The following BRINP3 variants were observed in gnomAD, a reference collection of about 807,000 sequenced individuals.
BRINP3 encodes the protein BMP/retinoic acid-inducible neural-specific protein 3.
Under a neutral mutation model 71.0 loss-of-function variants are expected in BRINP3, and 19 were observed. The ratio of observed to expected loss-of-function variants is 0.27; its 90% confidence interval spans 0.19 to 0.39. BRINP3 has a LOEUF of 0.39. Ranked by LOEUF, BRINP3 falls within the 10% of genes least tolerant of loss-of-function variation. The pLI is 1.00. For missense variants in BRINP3, 959 were observed against 940.8 expected (o/e 1.02, Z -0.25); for synonymous variants, 380 against 337.7 (o/e 1.13, Z -1.37).
At chr1:190,282,572 A>G (rs1183028145) in intron 2 of BRINP3, among the ~76,000 whole-genome samples, 1 of 152,024 alleles carries the variant, frequency 6.6e-6, no homozygotes, top group Admixed American at 6.6e-5. Context: ...GTGTTAATTC[A>G]TATTTATAAA....
intron 6 of BRINP3, among the ~76,000 whole-genome samples, chr1:190,166,311 G>C (rs536804457): frequency 6.6e-6 from 1 of 152,068 alleles, no homozygotes. Context: ...AAGGTATGCT[G>C]TTTCTCACTA....
chr1:190,407,847 T>C (rs1558259335), intron 2 of BRINP3, among the ~76,000 whole-genome samples: 1 of 152,124 alleles, frequency 6.6e-6, no homozygotes, highest in Non-Finnish European at 1.5e-5. Context: ...CCCTGTATTA[T>C]ATACAAATTT....
At position 190,456,820 on chromosome 1, in the gene BRINP3, CA is replaced by C. The variant is rs200745317; in HGVS notation, c.-50-1881del. On this transcript the variant is annotated intron_variant, in intron 1 of 7. Transcript: ENST00000367462. Reference sequence around the variant, plus strand: ...TGAGTAATTTTTCATTTCATAAAGACAGAATAAATTATTCAAACCACTACTC... The same window carrying C: ...TGAGTAATTTTTCATTTCATAAAGACGAATAAATTATTCAAACCACTACTC... 2.1e-4 allele frequency among the ~76,000 whole-genome samples: 32 copies of C among 151,904 alleles called. No homozygotes were observed. The East Asian group carries it at 6.0e-3, about 28-fold the overall frequency.
At chr1:190,149,709 T>C (rs981312719) in intron 7 of BRINP3, among the ~76,000 whole-genome samples, 2 of 151,754 alleles carry the variant, frequency 1.3e-5, no homozygotes, top group African/African-American at 2.4e-5. Flanking sequence ...CTAATGTACA[T>C]TGTTTTATAT....
At chr1:190,109,744 C>A (rs1238967406) in intron 7 of BRINP3, among the ~76,000 whole-genome samples, 2 of 152,232 alleles carry the variant, frequency 1.3e-5, no homozygotes, top group Non-Finnish European at 2.9e-5. Context: ...TTGGCAAGCT[C>A]TTTTTTTCCC....
rs553933527 is a variant in BRINP3 at position 190,182,581 on chromosome 1, A to G, written c.962-21691T>C. ...TGACTGCTTGATTTTAAAAAAATTA[A>G]CCTTGTCCACAGCAGGTATGGCCTT... On this transcript the variant is annotated intron_variant, in intron 6 of 7. Coordinates refer to ENST00000367462, the MANE Select transcript of BRINP3 (RefSeq NM_199051.3). Among the ~76,000 whole-genome samples, 95 of 152,192 alleles carry G rather than the reference A, an allele frequency of 6.2e-4. 1 individual carries two copies. The highest frequency in any genetic ancestry group is 2.3e-3 in the African/African-American group (95 of 41,546).
At chr1:190,357,602 T>C (rs1003022062) in intron 2 of BRINP3, among the ~76,000 whole-genome samples, 13 of 152,104 alleles carry the variant, frequency 8.5e-5, no homozygotes, top group South Asian at 2.1e-4. Flanking sequence ...TCAGGTAGCA[T>C]GATGCCTCCA....
chr1:190,447,248 TGATA>T lies in BRINP3; in HGVS notation c.236+7403_236+7406del, dbSNP rs546084037. On this transcript the variant is annotated intron_variant, in intron 2 of 7. Coordinates refer to ENST00000367462, the MANE Select transcript of BRINP3 (RefSeq NM_199051.3). ...TCTCTTTTCCTTTTCTAGTATGGAT[TGATA>T]GATAGATATAGACCAGACTATTACC... is the stretch of plus-strand genomic sequence containing the variant. Among the ~76,000 whole-genome samples the T allele has an allele frequency of 1.1e-4, 16 of 149,350 alleles. No individual in the cohort carries two copies. The South Asian group carries it at 1.3e-3, about 12-fold the overall frequency.
intron 2 of BRINP3, among the ~76,000 whole-genome samples, chr1:190,300,922 A>G (rs1489016382): frequency 3.3e-5 from 5 of 152,022 alleles, no homozygotes; most frequent in Non-Finnish European, 7.4e-5. Flanking sequence ...ACAAAGCTGG[A>G]TGGAGAATGA....
At position 190,270,513 on chromosome 1, in the gene BRINP3, A is replaced by G. The variant is rs1571583601; in HGVS notation, c.428-5458T>C. ...ATATTCTGAAGACGAATAAAGGTAC[A>G]AAGAATCAATAAACTTTATACCTGG... On this transcript the variant is annotated intron_variant, in intron 3 of 7. Transcript: ENST00000367462. Among the ~76,000 whole-genome samples, 3 of 151,890 alleles carry G rather than the reference A, an allele frequency of 2.0e-5. No homozygotes were observed. In the South Asian group the frequency reaches 6.2e-4, roughly 31 times the overall value.
intron 2 of BRINP3, among the ~76,000 whole-genome samples, chr1:190,337,594 T>C (rs1198632836): frequency 6.6e-6 from 1 of 151,900 alleles, no homozygotes; most frequent in Non-Finnish European, 1.5e-5. Flanking sequence ...CTTCAGCTTT[T>C]GGACTCTTAA....
In BRINP3 at chr1:190,427,267, C is replaced by G. The variant is rs188347030; in HGVS notation, c.236+27388G>C. On this transcript the variant is annotated intron_variant, in intron 2 of 7. Coordinates refer to ENST00000367462, the MANE Select transcript of BRINP3 (RefSeq NM_199051.3). ...TGTAAATAGAATAAAGAACATGACT[C>G]TAACATCTTATTTAAATAAATTCTT... Among the ~76,000 whole-genome samples the G allele has an allele frequency of 6.1e-3, 930 of 151,946 alleles. 10 individuals are homozygous for G. The highest frequency in any genetic ancestry group is 0.021 in the African/African-American group (890 of 41,500).
At chr1:190,446,618 C>T (rs373712619) in intron 2 of BRINP3, among the ~76,000 whole-genome samples, 1 of 152,004 alleles carries the variant, frequency 6.6e-6, no homozygotes, top group Non-Finnish European at 1.5e-5. Flanking sequence ...TGTTTTAATG[C>T]TTTTAACCTA....
At position 190,212,793 on chromosome 1, in the gene BRINP3, T is replaced by A. The variant is rs76440022; in HGVS notation, c.961+13289A>T. 3.2e-3 allele frequency among the ~76,000 whole-genome samples: 488 copies of A among 152,226 alleles called. 4 individuals are homozygous for A. Among genetic ancestry groups the A allele is most frequent in the African/African-American group, 0.011 (461 of 41,580 alleles). Reference sequence around the variant, plus strand: ...TACCAAATCATTCAAGATAGTGATGTTTCCATCAGCCTGAGTCCAGGAGTG... The same window carrying A: ...TACCAAATCATTCAAGATAGTGATGATTCCATCAGCCTGAGTCCAGGAGTG... On this transcript the variant is annotated intron_variant, in intron 6 of 7. Coordinates refer to ENST00000367462, the MANE Select transcript of BRINP3 (RefSeq NM_199051.3).
At chr1:190,300,267 C>G (rs1487498371) in intron 2 of BRINP3, among the ~76,000 whole-genome samples, 1 of 152,026 alleles carries the variant, frequency 6.6e-6, no homozygotes, top group African/African-American at 2.4e-5. Context: ...TCTTTTTTCT[C>G]TAAACTACCC....
intron 2 of BRINP3, among the ~76,000 whole-genome samples, chr1:190,422,355 C>T (rs1442443080): frequency 6.6e-6 from 1 of 151,790 alleles, no homozygotes; most frequent in Non-Finnish European, 1.5e-5. Context: ...AAATCTAGAA[C>T]TGAGAAGATC....
intron 2 of BRINP3, among the ~76,000 whole-genome samples, chr1:190,449,032 G>A (rs979399293): frequency 2.0e-5 from 3 of 151,812 alleles, no homozygotes; most frequent in African/African-American, 7.2e-5. Context: ...AGATCTCTAA[G>A]TATTTATTTA....
intron 3 of BRINP3, among the ~76,000 whole-genome samples, chr1:190,276,810 T>TA (rs1322856229): frequency 3.3e-5 from 5 of 151,038 alleles, no homozygotes; most frequent in African/African-American, 1.2e-4. Context: ...ATTAAATATC[T>TA]AAAAAATGCT....
At chr1:190,364,050 A>C (rs1259494463) in intron 2 of BRINP3, among the ~76,000 whole-genome samples, 2 of 85,832 alleles carry the variant, frequency 2.3e-5, no homozygotes, top group African/African-American at 7.6e-5. Flanking sequence ...GCAATTCACA[A>C]TCTCCTTCTT....
Sources: allele counts gnomAD v4.1 joint callset (sites outside exome capture counted in the v4.1 genomes callset), GRCh38; gene constraint gnomAD v4.1.1; transcripts MANE v1.5; gene names NCBI Gene and HGNC (gene_info 2026-07-23, HGNC 2026-07-21).